GLCCI1: variants seen among roughly 807,000 people sequenced by gnomAD.
GLCCI1 encodes glucocorticoid induced 1.
A neutral mutation model predicts 52.2 loss-of-function variants in GLCCI1; 24 were observed. The ratio of observed to expected loss-of-function variants is 0.46; its 90% CI spans 0.33 to 0.65. GLCCI1 has a LOEUF of 0.65. Ranked by LOEUF, GLCCI1 falls within the 30% of genes least tolerant of loss-of-function variation. GLCCI1 has a pLI of 0.02. For missense variants in GLCCI1, 704 were observed against 701.5 expected (o/e 1.00, Z -0.04); for synonymous variants, 310 against 276.5 (o/e 1.12, Z -1.20).
At chr7:8,050,460 C>A (rs1040794299) in intron 3 of GLCCI1, among the ~76,000 whole-genome samples, 2 of 152,048 alleles carry the variant, frequency 1.3e-5, no homozygotes, top group African/African-American at 4.8e-5. Flanking sequence ...ATAAAATTTA[C>A]TTTTAACTAG....
intron 3 of GLCCI1, among the ~76,000 whole-genome samples, chr7:8,048,471 C>A (rs946561047): frequency 6.6e-6 from 1 of 152,058 alleles, no homozygotes; most frequent in Non-Finnish European, 1.5e-5. Context: ...TATTCTAATG[C>A]AGCAGTAAAT....
intron 5 of GLCCI1, chr7:8,070,072 A>C (rs549557435): frequency 1.3e-5 from 2 of 152,372 alleles, no homozygotes; most frequent in South Asian, 4.1e-4. Context: ...TAAAGTAGAA[A>C]GAGTCCACTG....
At chr7:8,020,683 T>C (rs1377003877) in intron 2 of GLCCI1, among the ~76,000 whole-genome samples, 1 of 152,054 alleles carries the variant, frequency 6.6e-6, no homozygotes, top group East Asian at 1.9e-4. Flanking sequence ...TTGTGGAAAA[T>C]GCTAAAAATT....
chr7:8,051,225 G>C (rs909372368), intron 3 of GLCCI1, among the ~76,000 whole-genome samples: 1 of 152,148 alleles, frequency 6.6e-6, no homozygotes, highest in Non-Finnish European at 1.5e-5. Flanking sequence ...TCTAATGTCC[G>C]TTGTTAGAAA....
Position 8,005,789 on chromosome 7 carries a change from T to G in GLCCI1, c.609+1730T>G, listed in dbSNP as rs34689240. Among the ~76,000 whole-genome samples the G allele has an allele frequency of 9.6e-3, 1,458 of 152,056 alleles. 21 individuals carry two copies. The highest frequency in any genetic ancestry group is 0.032 in the Admixed American group (492 of 15,262). Reference sequence around the variant, plus strand: ...AGAGGGAAACATTATCTAGTTTTTTTTTTGTTTGTTTGTTTTGTTTTTTTT... The same window carrying G: ...AGAGGGAAACATTATCTAGTTTTTTGTTTGTTTGTTTGTTTTGTTTTTTTT... On this transcript the variant is annotated intron_variant, in intron 2 of 7. Transcript: ENST00000223145.
chr7:8,036,445 G>C (rs191591487), intron 3 of GLCCI1, among the ~76,000 whole-genome samples: 5 of 152,236 alleles, frequency 3.3e-5, no homozygotes, highest in East Asian at 1.9e-4. Flanking sequence ...TAAGAAGAGA[G>C]AGTTTATCCA....
At position 8,071,015 on chromosome 7, in the gene GLCCI1, A is replaced by T. The variant is rs757780786; in HGVS notation, c.1061A>T (p.Gln354Leu). 3 of 1,614,182 alleles carry T rather than the reference A, an allele frequency of 1.9e-6. No individual in the cohort carries two copies. The highest frequency in any genetic ancestry group is 2.5e-6 in the Non-Finnish European group (3 of 1,180,030). ...ATTGACACTCAGACTCCTTCTGTCC[A>T]GGAGCGCAGCAGTAGCTGCAGCAGT... The part of the protein sequence containing the change: ...RSIDTQTPSV[Q>L]ERSSSCSSHS... The change falls in exon 6 of 8, where the codon CAG becomes CTG. Residue 354 changes from glutamine to leucine, a missense_variant. Around this residue, in one of 3 missense-constraint regions of GLCCI1, gnomAD observed 547 missense variants for 524.8 expected, o/e 1.04. Transcript: ENST00000223145.
At chr7:8,085,844 A>G (rs141405323) in intron 7 of GLCCI1, among the ~76,000 whole-genome samples, 134 of 152,364 alleles carry the variant, frequency 8.8e-4, no homozygotes, top group African/African-American at 3.0e-3. Context: ...TGCCTCTGGT[A>G]TACTTTTTCT....
intron 1 of GLCCI1, among the ~76,000 whole-genome samples, chr7:8,000,991 C>T (rs1334164737): frequency 1.3e-5 from 2 of 152,114 alleles, no homozygotes; most frequent in East Asian, 1.9e-4. Context: ...AATCTTAATC[C>T]AGTTTGCCAG....
chr7:8,060,288 A>G (rs765500140), intron 5 of GLCCI1, 40 bp downstream of exon 5: 1 of 1,529,340 alleles, frequency 6.5e-7, no homozygotes, highest in South Asian at 1.2e-5. Flanking sequence ...TTTTTCTCTG[A>G]TATAACGAAC....
At chr7:8,042,270 T>C (rs1034692736) in intron 3 of GLCCI1, among the ~76,000 whole-genome samples, 4 of 152,230 alleles carry the variant, frequency 2.6e-5, no homozygotes, top group African/African-American at 9.6e-5. Flanking sequence ...TTTGTAAGGC[T>C]TACAGGTACC....
At chr7:8,015,565 G>A (rs2127946521) in intron 2 of GLCCI1, among the ~76,000 whole-genome samples, 1 of 152,208 alleles carries the variant, frequency 6.6e-6, no homozygotes, top group East Asian at 1.9e-4. Context: ...TTTTCTCTCA[G>A]CCATCATCTA....
intron 2 of GLCCI1, among the ~76,000 whole-genome samples, chr7:8,010,605 G>A (rs2115432233): frequency 6.6e-6 from 1 of 152,046 alleles, no homozygotes; most frequent in South Asian, 2.1e-4. Context: ...GTATTTTTGG[G>A]TTTTATCTGA....
intron 3 of GLCCI1, among the ~76,000 whole-genome samples, chr7:8,054,837 T>C (rs1782349206): frequency 6.6e-6 from 1 of 152,040 alleles, no homozygotes; most frequent in African/African-American, 2.4e-5. Flanking sequence ...ACGAGGGAAG[T>C]GTGGCCCTTC....
Position 7,998,412 on chromosome 7 carries a change from C to T in GLCCI1, c.458-5496C>T, listed in dbSNP as rs141721795. 2.6e-3 allele frequency among the ~76,000 whole-genome samples: 394 copies of T among 152,212 alleles called. 4 individuals are homozygous for T. The highest frequency in any genetic ancestry group is 8.6e-3 in the African/African-American group (359 of 41,560). ...TGTACTTTTAGTAGAGACAGGGTTTCGCCATTTTGGCCAAGCTGGTCTCAA... is the reference window on the plus strand; with the variant it reads ...TGTACTTTTAGTAGAGACAGGGTTTTGCCATTTTGGCCAAGCTGGTCTCAA... On this transcript the variant is annotated intron_variant, in intron 1 of 7. Transcript: ENST00000223145.
At chr7:8,023,588 C>CTGTTTTTTT (rs1781543924) in intron 3 of GLCCI1, among the ~76,000 whole-genome samples, 1 of 41,984 alleles carries the variant, frequency 2.4e-5, no homozygotes, top group African/African-American at 1.0e-4. Flanking sequence ...CTCTGTTATT[C>CTGTTTTTTT]TTTTTTTTTT....
chr7:8,051,925 C>T (rs1782266964), intron 3 of GLCCI1, among the ~76,000 whole-genome samples: 1 of 152,086 alleles, frequency 6.6e-6, no homozygotes, highest in Non-Finnish European at 1.5e-5. Flanking sequence ...CCTTTTTATT[C>T]TAATGGTATC....
intron 4 of GLCCI1, among the ~76,000 whole-genome samples, chr7:8,059,172 A>G (rs921307811): frequency 1.3e-5 from 2 of 152,358 alleles, no homozygotes; most frequent in Non-Finnish European, 2.9e-5. Flanking sequence ...GAGGGTCAAC[A>G]GTATTTGAAA....
chr7:7,976,498 A>AAAAAAAAAAAAAAAAC (rs1780473732), intron 1 of GLCCI1, among the ~76,000 whole-genome samples: 1 of 133,152 alleles, frequency 7.5e-6, no homozygotes, highest in Non-Finnish European at 1.6e-5. Context: ...AAAAAAAAAA[A>AAAAAAAAAAAAAAAAC]GGAAAGGAAA....
Sources: gnomAD v4.1 joint callset for allele counts (sites outside exome capture counted in the v4.1 genomes callset) on GRCh38, gnomAD v4.1.1 for gene constraint, gnomAD v4.1.1 regional missense constraint, MANE v1.5 for transcripts, NCBI Gene and HGNC (gene_info 2026-07-23, HGNC 2026-07-21) for gene names.